NWD1: variants seen among roughly 807,000 people sequenced by gnomAD.
The protein encoded by NWD1 is NACHT domain- and WD repeat-containing protein 1.
A neutral mutation model predicts 135.1 loss-of-function variants in NWD1; 129 were observed. That is an observed-to-expected ratio of 0.96 (90% confidence interval 0.83 to 1.11). NWD1 has a LOEUF of 1.11. Among genes scored for constraint, NWD1 ranks in the 50% least tolerant of loss-of-function variants. The pLI is 0.00. For missense variants in NWD1, 1,740 were observed against 1,851.3 expected, an observed-to-expected ratio of 0.94 and a Z score of 1.10; for synonymous variants, 773 against 786.0, an observed-to-expected ratio of 0.98 and a Z score of 0.28.
intron 2 of NWD1, among the ~76,000 whole-genome samples, chr19:16,728,956 A>T (rs1400111830): frequency 1.4e-4 from 20 of 147,242 alleles, no homozygotes; most frequent in Admixed American, 5.5e-4. Context: ...AAAAAAAAAA[A>T]AAAAAAAATA....
intron 7 of NWD1, among the ~76,000 whole-genome samples, chr19:16,760,894 T>C (rs8111486): frequency 0.24 from 37,084 of 152,116 alleles, 5,140 homozygotes; most frequent in Middle Eastern, 0.46. Context: ...CCAGTCAGAA[T>C]TTTAAAGTTG....
chr19:16,807,563 T>C (rs1568396694), intron 17 of NWD1, 23 bp from the exon 18 acceptor site: 2 of 1,508,946 alleles, frequency 1.3e-6, no homozygotes, highest in Non-Finnish European at 8.9e-7. Flanking sequence ...GTGTAAGTCA[T>C]TCTCATTTTT....
At chr19:16,805,633 C>T (rs1888698600) in intron 17 of NWD1, among the ~76,000 whole-genome samples, 1 of 152,106 alleles carries the variant, frequency 6.6e-6, no homozygotes, top group Non-Finnish European at 1.5e-5. Context: ...CACCTGGCAT[C>T]TCTCCATTTC....
chr19:16,746,695 A>C (rs1197505382), intron 5 of NWD1, among the ~76,000 whole-genome samples: 1 of 150,372 alleles, frequency 6.7e-6, no homozygotes, highest in African/African-American at 2.5e-5. Flanking sequence ...AAAAACAACA[A>C]AAAAAAACAG....
intron 11 of NWD1, among the ~76,000 whole-genome samples, chr19:16,773,564 A>G (rs1294584664): frequency 6.6e-6 from 1 of 152,130 alleles, no homozygotes; most frequent in Non-Finnish European, 1.5e-5. Flanking sequence ...GGTGCCTCCA[A>G]GCTTCCCATC....
At chr19:16,735,358 TAGCC>T (rs1163227660) in intron 3 of NWD1, among the ~76,000 whole-genome samples, 1 of 149,694 alleles carries the variant, frequency 6.7e-6, no homozygotes, top group African/African-American at 2.5e-5. Context: ...ACAAAAAAAT[TAGCC>T]AGGCGTGGTG....
At chr19:16,813,711 G>A (rs576243227) in intron 18 of NWD1, among the ~76,000 whole-genome samples, 13 of 151,958 alleles carry the variant, frequency 8.6e-5, no homozygotes. Context: ...TCCTGACCTT[G>A]GGTGATCCAC....
chr19:16,748,336 G>A (rs1325009126), intron 5 of NWD1, among the ~76,000 whole-genome samples: 2 of 152,218 alleles, frequency 1.3e-5, no homozygotes, highest in East Asian at 3.9e-4. Context: ...GAATGGTGCT[G>A]TTACAAGCTA....
At position 16,815,144 on chromosome 19, in the gene NWD1, C is replaced by T. The variant is rs538667480; in HGVS notation, c.*105C>T. 1.6e-6 allele frequency: 2 copies of T among 1,215,192 alleles called. No homozygotes were observed. The highest frequency in any genetic ancestry group is 1.7e-5 in the Admixed American group (1 of 59,540). 75.3% of individuals were successfully genotyped at this position (1,215,192 alleles called of 1,614,324 possible). On this transcript the variant is annotated 3_prime_UTR_variant, in exon 19 of 19. Transcript: ENST00000524140. The stretch of plus-strand genomic sequence containing the variant: ...TCTGATCCGAGAGAATTTCCAGTGC[C>T]TTTCAGCAAAAGCCTCACCGCAGGA...
At chr19:16,755,555 A>C (rs1968758814) in intron 6 of NWD1, among the ~76,000 whole-genome samples, 1 of 152,056 alleles carries the variant, frequency 6.6e-6, no homozygotes, top group Non-Finnish European at 1.5e-5. Context: ...TGCCTGGCTA[A>C]TTTTTGTATC....
At chr19:16,734,348 AC>A (rs1967702479) in intron 3 of NWD1, among the ~76,000 whole-genome samples, 1 of 151,988 alleles carries the variant, frequency 6.6e-6, no homozygotes, top group African/African-American at 2.4e-5. Flanking sequence ...GGAGATTGAG[AC>A]CATCCTGGCT....
chr19:16,806,900 C>G (rs1218163266), intron 17 of NWD1, among the ~76,000 whole-genome samples: 1 of 151,760 alleles, frequency 6.6e-6, no homozygotes, highest in African/African-American at 2.4e-5. Flanking sequence ...ACCTCTAGTC[C>G]CAGCTACCCG....
chr19:16,758,464 G>A (rs1968879881), intron 6 of NWD1, among the ~76,000 whole-genome samples: 1 of 152,026 alleles, frequency 6.6e-6, no homozygotes. Flanking sequence ...TTTTTGTAGA[G>A]ATGGGGTCTC....
At chr19:16,778,476 TTTCTTC>T (rs199535319) in intron 11 of NWD1, among the ~76,000 whole-genome samples, 1 of 140,492 alleles carries the variant, frequency 7.1e-6, no homozygotes, top group Non-Finnish European at 1.5e-5. Context: ...TTTTCTTTTC[TTTCTTC>T]TTCTTCTTCT....
chr19:16,783,634 C>CA (rs1380689451), intron 12 of NWD1, among the ~76,000 whole-genome samples: 54 of 124,356 alleles, frequency 4.3e-4, no homozygotes, highest in African/African-American at 2.1e-3. Flanking sequence ...AACTCCATCT[C>CA]AAAAAATAAA....
chr19:16,758,849 A>G (rs773843), intron 6 of NWD1, among the ~76,000 whole-genome samples: 13,944 of 151,946 alleles, frequency 0.092, 1,108 homozygotes, highest in African/African-American at 0.21. Flanking sequence ...CTCTACTAAA[A>G]ATGCAAAAAT....
chr19:16,723,557 C>T (rs925921383), intron 1 of NWD1, among the ~76,000 whole-genome samples: 1 of 152,098 alleles, frequency 6.6e-6, no homozygotes, highest in South Asian at 2.1e-4. Context: ...CAAGCAATCC[C>T]CACCTCAGCC....
chr19:16,738,791 T>A (rs1004657678), intron 4 of NWD1, among the ~76,000 whole-genome samples: 2 of 121,748 alleles, frequency 1.6e-5, no homozygotes, highest in Non-Finnish European at 1.7e-5. Flanking sequence ...TAATATATAA[T>A]AACATATAAC....
intron 17 of NWD1, among the ~76,000 whole-genome samples, chr19:16,805,571 A>G (rs2123125545): frequency 6.6e-6 from 1 of 152,200 alleles, no homozygotes; most frequent in South Asian, 2.1e-4. Context: ...GTCTCAAGCC[A>G]TCCTCTCACT....
Sources: allele counts gnomAD v4.1 joint callset (sites outside exome capture counted in the v4.1 genomes callset), GRCh38; gene constraint gnomAD v4.1.1; transcripts MANE v1.5; gene names NCBI Gene and HGNC (gene_info 2026-07-23, HGNC 2026-07-21).